The following VPS13D variants were observed in gnomAD, a reference collection of about 807,000 sequenced individuals.
The protein encoded by VPS13D is intermembrane lipid transfer protein VPS13D.
Under a neutral mutation model 461.9 loss-of-function variants are expected in VPS13D, and 187 were observed. The observed-to-expected ratio is 0.40, with a 90% CI of 0.36 to 0.46. The LOEUF is 0.46. VPS13D is among the 20% of genes least tolerant of loss of function. The pLI, the probability that VPS13D is intolerant of heterozygous loss-of-function variation, is 0.60. For synonymous variants in VPS13D, 1,951 were observed against 1,986.3 expected, an observed-to-expected ratio of 0.98 and a Z score of 0.47; for missense variants, 4,711 against 5,364.9, an observed-to-expected ratio of 0.88 and a Z score of 3.81.
chr1:12,259,045 C>CTT (rs577485964), intron 10 of VPS13D, among the ~76,000 whole-genome samples: 12 of 144,710 alleles, frequency 8.3e-5, no homozygotes, highest in Non-Finnish European at 1.2e-4. Context: ...TCTTCTTCTT[C>CTT]TTTTTTTTTT....
At chr1:12,423,306 A>G (rs1644885611) in intron 65 of VPS13D, among the ~76,000 whole-genome samples, 1 of 152,156 alleles carries the variant, frequency 6.6e-6, no homozygotes, top group Non-Finnish European at 1.5e-5. Context: ...CTGGCATCTC[A>G]GTTCTCATTT....
chr1:12,381,724 T>G (rs1265252321), intron 57 of VPS13D, among the ~76,000 whole-genome samples: 2 of 152,214 alleles, frequency 1.3e-5, no homozygotes, highest in Non-Finnish European at 2.9e-5. Flanking sequence ...AGCTGTTTAC[T>G]TCCAACTTCT....
intron 46 of VPS13D, 29 bp from the exon 47 acceptor site, chr1:12,353,945 A>G: frequency 2.5e-6 from 4 of 1,603,308 alleles, no homozygotes; most frequent in Middle Eastern, 3.3e-4. Flanking sequence ...ATTAAGTCTG[A>G]TGATTTTTAC....
At chr1:12,433,076 C>T (rs1319652186) in intron 65 of VPS13D, among the ~76,000 whole-genome samples, 1 of 152,148 alleles carries the variant, frequency 6.6e-6, no homozygotes, top group Non-Finnish European at 1.5e-5. Context: ...CGCATATCTG[C>T]GAGGGTGCAC....
rs1035808793 is a variant in VPS13D at position 12,378,732 on chromosome 1, A to G, written c.11081+141A>G. The G allele has an allele frequency of 9.4e-6, 8 of 853,552 alleles. No homozygotes were observed. In the African/African-American group the frequency reaches 1.1e-4, roughly 11 times the overall value. The allele number at this position is 853,552 out of a possible 1,614,324, so 52.9% of individuals were successfully genotyped here. A position where few individuals can be genotyped will look rare whatever the true frequency, so the allele number is the denominator to read the frequency against. On this transcript the variant is annotated intron_variant, in intron 56 of 69. Coordinates refer to ENST00000620676, the MANE Select transcript of VPS13D (RefSeq NM_015378.4). The stretch of plus-strand genomic sequence containing the variant: ...AATGACAAAAACCTGTCATATTCCC[A>G]AATATGAGTATTGGGCTTTCCCTTT...
chr1:12,386,160 G>T, intron 59 of VPS13D, 25 bp from the exon 60 acceptor site: 1 of 1,597,150 alleles, frequency 6.3e-7, no homozygotes, highest in Non-Finnish European at 8.5e-7. Flanking sequence ...AACAATCAGG[G>T]TGCCATATTT....
At chr1:12,261,611 C>T (rs762844209) in intron 12 of VPS13D, among the ~76,000 whole-genome samples, 1 of 152,220 alleles carries the variant, frequency 6.6e-6, no homozygotes, top group South Asian at 2.1e-4. Flanking sequence ...TACTGGATAT[C>T]GCAGATGCGG....
rs760889629 is a variant in VPS13D at position 12,385,343 on chromosome 1, A to G, written c.11454A>G (p.Leu3818=). The G allele has an allele frequency of 1.2e-6, 2 of 1,613,954 alleles. No homozygotes were observed. The highest frequency in any genetic ancestry group is 1.3e-5 in the African/African-American group (1 of 75,056). ...TCACCGAACAAGAGCTGCAGAAATT[A>G]AAGAATCCAGATACAGAGCAGGAAT... is the stretch of plus-strand genomic sequence containing the variant. The part of the protein sequence containing the change: ...LPVTEQELQK[L]KNPDTEQELE... The change falls in exon 59 of 70, where the codon TTA becomes TTG. Residue 3818 remains leucine (L), a synonymous_variant. Coordinates refer to ENST00000620676, the MANE Select transcript of VPS13D (RefSeq NM_015378.4).
chr1:12,397,382 C>A (rs1644513670), intron 60 of VPS13D, among the ~76,000 whole-genome samples: 1 of 152,224 alleles, frequency 6.6e-6, no homozygotes, highest in Admixed American at 6.5e-5. Flanking sequence ...TAGGCAGCAT[C>A]CGATCTAATT....
rs995637069 is a variant in VPS13D, at chr1:12,356,364, G to A, written c.9872-34G>A. ...TGCATCTCTTTCAGATAGACTGGGT[G>A]GTATTGATGTAAACTTTTCTCTCCT... On this transcript the variant is annotated intron_variant, in intron 48 of 69. Transcript: ENST00000620676. 3.8e-6 allele frequency: 6 copies of A among 1,596,678 alleles called. No individual in the cohort carries two copies. The Admixed American group carries it at 7.0e-5, about 19-fold the overall frequency.
At chr1:12,413,637 A>G (rs1037295578) in intron 63 of VPS13D, among the ~76,000 whole-genome samples, 4 of 152,072 alleles carry the variant, frequency 2.6e-5, no homozygotes, top group African/African-American at 9.7e-5. Flanking sequence ...ATGCCCAGTT[A>G]ATTTTTAAAC....
intron 63 of VPS13D, among the ~76,000 whole-genome samples, chr1:12,410,068 A>G (rs939157391): frequency 1.3e-5 from 2 of 152,246 alleles, no homozygotes; most frequent in African/African-American, 4.8e-5. Context: ...CTTCATTGCT[A>G]CTAAGAGAGC....
At chr1:12,237,093 A>G (rs953990522) in intron 2 of VPS13D, among the ~76,000 whole-genome samples, 13 of 151,272 alleles carry the variant, frequency 8.6e-5, no homozygotes, top group East Asian at 1.9e-4. Flanking sequence ...GTATATATAT[A>G]TGTGTGTATG....
chr1:12,463,754 C>T (rs149609060), intron 67 of VPS13D, among the ~76,000 whole-genome samples: 29 of 152,280 alleles, frequency 1.9e-4, no homozygotes, highest in African/African-American at 7.0e-4. Flanking sequence ...CCCTGTCAAA[C>T]AAGGAAAGAG....
In VPS13D at chr1:12,353,544, A is replaced by AAC. The variant is rs1313826896; in HGVS notation, c.9432-429_9432-428insCA. ...CGAGACTGCATCTCAAAAAAAAAAA[A>AAC]AAAAAAAAAAAACCAGACATAAAGA... is the stretch of plus-strand genomic sequence containing the variant. On this transcript the variant is annotated intron_variant, in intron 46 of 69. Transcript: ENST00000620676. Among the ~76,000 whole-genome samples, 571 of 151,230 alleles carry AAC rather than the reference A, an allele frequency of 3.8e-3. 4 individuals are homozygous for AAC. The highest frequency in any genetic ancestry group is 0.013 in the African/African-American group (548 of 41,246).
At position 12,323,797 on chromosome 1, in the gene VPS13D, T is replaced by G; in HGVS notation, c.7990+17T>G. ...CGTGTCAAGGTAATTTGAACAGGGTTCTGTTACCCGTTGTTTATCTTGATG... is the reference window on the plus strand; with the variant it reads ...CGTGTCAAGGTAATTTGAACAGGGTGCTGTTACCCGTTGTTTATCTTGATG... On this transcript the variant is annotated intron_variant, in intron 35 of 69. Transcript: ENST00000620676. The G allele has an allele frequency of 6.2e-7, 1 of 1,612,598 alleles. No homozygotes were observed. The highest frequency in any genetic ancestry group is 8.5e-7 in the Non-Finnish European group (1 of 1,178,902).
intron 62 of VPS13D, chr1:12,402,720 G>A (rs1168653073): frequency 6.6e-6 from 1 of 152,174 alleles, no homozygotes; most frequent in Non-Finnish European, 1.5e-5. Flanking sequence ...TTCTGTTTTG[G>A]TACCTTCCTG....
intron 60 of VPS13D, among the ~76,000 whole-genome samples, chr1:12,388,393 G>A (rs1038220791): frequency 1.3e-5 from 2 of 152,138 alleles, no homozygotes; most frequent in Non-Finnish European, 2.9e-5. Context: ...TGGCCAACGT[G>A]GTGAAACCCC....
Position 12,310,472 on chromosome 1 carries a change from G to C in VPS13D, c.6651-982G>C, listed in dbSNP as rs565715315. On this transcript the variant is annotated intron_variant, in intron 27 of 69. Coordinates refer to ENST00000620676, the MANE Select transcript of VPS13D (RefSeq NM_015378.4). ...GTTAGAGAAAGCTTTTTAGTATTGA[G>C]ATGAGGTACAGATGTGTGCCCCTCC... Among the ~76,000 whole-genome samples the C allele has an allele frequency of 2.0e-5, 3 of 152,292 alleles. No individual in the cohort carries two copies. The East Asian group carries it at 5.8e-4, about 29-fold the overall frequency.
Sources: allele counts gnomAD v4.1 joint callset (sites outside exome capture counted in the v4.1 genomes callset), GRCh38; gene constraint gnomAD v4.1.1; transcripts MANE v1.5; gene names NCBI Gene and HGNC (gene_info 2026-07-23, HGNC 2026-07-21).